Variants in ARHGEF12 observed in about 807,000 individuals in gnomAD.
ARHGEF12 encodes the protein KMT2A/ARHGEF12 fusion protein.
Under a neutral mutation model 211.2 loss-of-function variants are expected in ARHGEF12, and 66 were observed. The observed-to-expected ratio is 0.31, with a 90% CI of 0.26 to 0.38. ARHGEF12 has a LOEUF of 0.38. ARHGEF12 is among the 10% of genes least tolerant of loss of function. The pLI is 1.00. For missense variants in ARHGEF12, 1,429 were observed against 1,869.5 expected, an observed-to-expected ratio of 0.76 and a Z score of 4.34; for synonymous variants, 592 against 638.4, an observed-to-expected ratio of 0.93 and a Z score of 1.09.
chr11:120,437,710 C>T (rs111533903), intron 12 of ARHGEF12, among the ~76,000 whole-genome samples: 1,911 of 152,206 alleles, frequency 0.013, 32 homozygotes, highest in African/African-American at 0.042. Context: ...ATTTGGTACC[C>T]GGTAAACACT....
intron 13 of ARHGEF12, among the ~76,000 whole-genome samples, chr11:120,441,427 A>C (rs1270656304): frequency 6.6e-6 from 1 of 152,160 alleles, no homozygotes; most frequent in African/African-American, 2.4e-5. Context: ...TGTTTTTTAC[A>C]TACTGATTTG....
At chr11:120,384,672 G>A (rs1290961818) in intron 1 of ARHGEF12, among the ~76,000 whole-genome samples, 1 of 152,174 alleles carries the variant, frequency 6.6e-6, no homozygotes, top group Non-Finnish European at 1.5e-5. Context: ...CATAGTTTGA[G>A]ACCTGGGAAG....
chr11:120,458,345 TAAACAAAGAG>T (rs1946425963), intron 25 of ARHGEF12, 111 bp downstream of exon 25: 1 of 1,272,528 alleles, frequency 7.9e-7, no homozygotes, highest in Non-Finnish European at 1.1e-6. Context: ...CCTTTTGTTT[TAAACAAAGAG>T]GAAATTAAAC....
Position 120,458,106 on chromosome 11 carries a change from G to A in ARHGEF12, c.2252G>A (p.Ser751Asn). Residue 751 changes from serine (S) to asparagine (N), a missense_variant, in exon 25 of 41, where the codon AGT becomes AAT. Ser to Asn is a conservative substitution (Grantham distance 46). Coordinates refer to ENST00000397843, the MANE Select transcript of ARHGEF12 (RefSeq NM_015313.3). ...RKFDSVAFGE[S>N]QSEDEQFEND... The stretch of plus-strand genomic sequence containing the variant: ...TTTGACAGTGTAGCTTTTGGAGAAA[G>A]TCAAAGTGAGGATGAACAATTTGAA... 6.2e-7 allele frequency: 1 copy of A among 1,608,226 alleles called. No individual in the cohort carries two copies.
intron 14 of ARHGEF12, 47 bp downstream of exon 14, chr11:120,441,864 C>G (rs748161881): frequency 1.3e-6 from 2 of 1,542,892 alleles, no homozygotes; most frequent in Admixed American, 3.3e-5. Context: ...TCTGTTGATT[C>G]ATGTGCCATA....
intron 10 of ARHGEF12, among the ~76,000 whole-genome samples, chr11:120,431,124 T>A (rs981025975): frequency 1.3e-5 from 2 of 151,978 alleles, no homozygotes; most frequent in African/African-American, 4.8e-5. Flanking sequence ...ACTCCGACTC[T>A]ACTAAAAATA....
chr11:120,450,713 G>C (rs1352535642), intron 21 of ARHGEF12: 2 of 152,222 alleles, frequency 1.3e-5, no homozygotes, highest in East Asian at 3.9e-4. Context: ...TAATTAGCAG[G>C]ATGGGGATTG....
At chr11:120,390,718 C>T (rs918844683) in intron 1 of ARHGEF12, among the ~76,000 whole-genome samples, 2 of 151,996 alleles carry the variant, frequency 1.3e-5, no homozygotes, top group African/African-American at 4.8e-5. Context: ...AAAAACTGTA[C>T]AAAGGGAAGA....
Position 120,485,348 on chromosome 11 carries a change from A to C in ARHGEF12, c.*271A>C. Reference sequence around the variant, plus strand: ...CATTTTGATTCAGAATAAAAACCAAATGTATAGAGCTTTGGGTGTAGGATA... The same window carrying C: ...CATTTTGATTCAGAATAAAAACCAACTGTATAGAGCTTTGGGTGTAGGATA... On this transcript the variant is annotated 3_prime_UTR_variant, in exon 41 of 41. Coordinates refer to ENST00000397843, the MANE Select transcript of ARHGEF12 (RefSeq NM_015313.3). 7.5e-6 allele frequency: 3 copies of C among 400,082 alleles called. No homozygotes were observed. Among genetic ancestry groups the C allele is most frequent in the Non-Finnish European group, 1.4e-5 (3 of 220,778 alleles). The allele number at this position is 400,082 out of a possible 1,614,324, so 24.8% of individuals were successfully genotyped here.
At position 120,458,245 on chromosome 11, in the gene ARHGEF12, T is replaced by A. The variant is rs759466004; in HGVS notation, c.2380+11T>A. 3.1e-6 allele frequency: 5 copies of A among 1,613,102 alleles called. No homozygotes were observed. In the East Asian group the frequency reaches 8.9e-5, roughly 29 times the overall value. ...AGGAAGTGATTAATGGTGAGTGTAA[T>A]CAATTTGTTGTTGTTGTTTACAAAT... On this transcript the variant is annotated intron_variant, in intron 25 of 40. Coordinates refer to ENST00000397843, the MANE Select transcript of ARHGEF12 (RefSeq NM_015313.3).
intron 1 of ARHGEF12, among the ~76,000 whole-genome samples, chr11:120,346,653 G>T (rs914684258): frequency 6.6e-6 from 1 of 152,158 alleles, no homozygotes; most frequent in Non-Finnish European, 1.5e-5. Flanking sequence ...ACATCAACAA[G>T]TTCAGTAAAT....
chr11:120,447,296 T>G, intron 18 of ARHGEF12: 1 of 471,240 alleles, frequency 2.1e-6, no homozygotes, highest in Non-Finnish European at 3.6e-6. Context: ...TGGTGGTAAA[T>G]GGGTAACTCT....
At chr11:120,455,382 C>T (rs1164373465) in intron 22 of ARHGEF12, among the ~76,000 whole-genome samples, 1 of 152,190 alleles carries the variant, frequency 6.6e-6, no homozygotes, top group Admixed American at 6.5e-5. Context: ...TACACTGCAT[C>T]ACATTCCTCA....
At chr11:120,460,793 T>C in intron 27 of ARHGEF12, 36 bp downstream of exon 27, 1 of 1,537,128 alleles carries the variant, frequency 6.5e-7, no homozygotes, top group Admixed American at 1.7e-5. Context: ...AATATTTTTA[T>C]GGACACTTGA....
chr11:120,412,843 T>G (rs915427219), intron 4 of ARHGEF12, among the ~76,000 whole-genome samples: 1 of 152,204 alleles, frequency 6.6e-6, no homozygotes, highest in Admixed American at 6.5e-5. Flanking sequence ...ATTTGACTTC[T>G]CCATTTTCCG....
intron 18 of ARHGEF12, 136 bp from the exon 19 acceptor site, chr11:120,447,738 C>T (rs1019862941): frequency 3.5e-6 from 2 of 574,876 alleles, no homozygotes; most frequent in African/African-American, 4.0e-5. Context: ...ATCACTTGCG[C>T]CCAGGAGGCG....
chr11:120,350,064 T>C (rs918468833), intron 1 of ARHGEF12, among the ~76,000 whole-genome samples: 5 of 152,228 alleles, frequency 3.3e-5, no homozygotes, highest in Admixed American at 2.6e-4. Context: ...TTTATTAACA[T>C]CAGTTTGTTT....
chr11:120,383,087 G>A (rs1383473978), intron 1 of ARHGEF12, among the ~76,000 whole-genome samples: 9 of 152,052 alleles, frequency 5.9e-5, no homozygotes, highest in Admixed American at 2.0e-4. Context: ...TGCAGTGAGC[G>A]GAGATCGCAC....
chr11:120,358,573 C>T (rs971394712), intron 1 of ARHGEF12, among the ~76,000 whole-genome samples: 24 of 152,102 alleles, frequency 1.6e-4, no homozygotes, highest in African/African-American at 5.8e-4. Context: ...AATAAACTTG[C>T]ACTATCCACT....
Sources: allele counts gnomAD v4.1 joint callset (sites outside exome capture counted in the v4.1 genomes callset), GRCh38; gene constraint gnomAD v4.1.1; transcripts MANE v1.5; gene names NCBI Gene and HGNC (gene_info 2026-07-23, HGNC 2026-07-21).